The following FNBP1L variants were observed in gnomAD, a reference collection of about 807,000 sequenced individuals.
The protein encoded by FNBP1L is formin binding protein 1 like.
In FNBP1L, 36 loss-of-function variants were observed where a neutral mutation model predicts 91.2. That is an observed-to-expected ratio of 0.39 (90% CI 0.30 to 0.52). The LOEUF is 0.52. Ranked by LOEUF, FNBP1L falls within the 20% of genes least tolerant of loss-of-function variation. FNBP1L has a pLI of 0.66. For missense variants in FNBP1L, 571 were observed against 732.1 expected (o/e 0.78, Z 2.54); for synonymous variants, 242 against 237.0 (o/e 1.02, Z -0.19).
At chr1:93,506,830 T>C (rs1175721845) in intron 2 of FNBP1L, among the ~76,000 whole-genome samples, 1 of 151,942 alleles carries the variant, frequency 6.6e-6, no homozygotes, top group Non-Finnish European at 1.5e-5. Flanking sequence ...AAAGTAAATA[T>C]AAACATGACA....
intron 1 of FNBP1L, among the ~76,000 whole-genome samples, chr1:93,462,449 T>C (rs774085611): frequency 1.1e-4 from 16 of 152,308 alleles, no homozygotes; most frequent in Non-Finnish European, 1.8e-4. Context: ...TATTATTAAC[T>C]AAAGGCCACA....
Position 93,502,804 on chromosome 1 carries a change from A to T in FNBP1L, c.140+3221A>T, listed in dbSNP as rs190870026. On this transcript the variant is annotated intron_variant, in intron 2 of 16. Coordinates refer to ENST00000271234, the MANE Select transcript of FNBP1L (RefSeq NM_001164473.3). ...AGCGATTCTCAACAAGGGCAGAATT[A>T]TTGGAGTGTTGAAGTATGAGGAGTA... Among the ~76,000 whole-genome samples, 1,125 of 152,344 alleles carry T rather than the reference A, an allele frequency of 7.4e-3. 13 individuals are homozygous for T. The highest frequency in any genetic ancestry group is 0.01 in the Admixed American group (154 of 15,294).
At chr1:93,546,586 T>C (rs1295033247) in intron 12 of FNBP1L, among the ~76,000 whole-genome samples, 1 of 152,102 alleles carries the variant, frequency 6.6e-6, no homozygotes, top group Non-Finnish European at 1.5e-5. Flanking sequence ...TAAATAAAAT[T>C]CCTTGTTTAG....
At chr1:93,504,116 C>T (rs888949067) in intron 2 of FNBP1L, among the ~76,000 whole-genome samples, 3 of 152,124 alleles carry the variant, frequency 2.0e-5, no homozygotes, top group Non-Finnish European at 4.4e-5. Context: ...CTACCTGGTA[C>T]CTCTGGAACT....
chr1:93,458,082 G>A lies in FNBP1L; in HGVS notation c.24+9777G>A, dbSNP rs189659182. ...TGGGATTACAGGCGTGAGCCACGAC[G>A]CCCGGCCGGAAACAGGAATTTCTTA... is the stretch of plus-strand genomic sequence containing the variant. On this transcript the variant is annotated intron_variant, in intron 1 of 16. Transcript: ENST00000271234. Among the ~76,000 whole-genome samples the A allele has an allele frequency of 4.3e-3, 655 of 152,238 alleles. 2 individuals are homozygous for A. Among genetic ancestry groups the A allele is most frequent in the Non-Finnish European group, 7.4e-3 (501 of 68,018 alleles).
chr1:93,488,058 G>C (rs774468661), intron 1 of FNBP1L, among the ~76,000 whole-genome samples: 2 of 152,086 alleles, frequency 1.3e-5, no homozygotes, highest in African/African-American at 2.4e-5. Flanking sequence ...TCTAGTTCAT[G>C]GGGCTCAAAA....
At chr1:93,458,172 G>A (rs1227792238) in intron 1 of FNBP1L, among the ~76,000 whole-genome samples, 1 of 152,132 alleles carries the variant, frequency 6.6e-6, no homozygotes, top group African/African-American at 2.4e-5. Flanking sequence ...TTTGTTTTCT[G>A]AATGTAATTT....
chr1:93,489,758 A>C (rs1670034520), intron 1 of FNBP1L, among the ~76,000 whole-genome samples: 1 of 152,210 alleles, frequency 6.6e-6, no homozygotes, highest in Non-Finnish European at 1.5e-5. Flanking sequence ...AAAATTCTAC[A>C]ATATTTCTCA....
chr1:93,547,808 G>GA (rs973392953), intron 14 of FNBP1L, among the ~76,000 whole-genome samples: 3 of 150,968 alleles, frequency 2.0e-5, no homozygotes, highest in South Asian at 2.1e-4. Context: ...GTTTTGTGAA[G>GA]AAAAAAAAAT....
chr1:93,490,456 AGAT>A (rs1465321172), intron 1 of FNBP1L, among the ~76,000 whole-genome samples: 1 of 152,218 alleles, frequency 6.6e-6, no homozygotes, highest in Non-Finnish European at 1.5e-5. Context: ...TTTACATATA[AGAT>A]GATAAGATTT....
chr1:93,451,993 T>C (rs1668513675), intron 1 of FNBP1L, among the ~76,000 whole-genome samples: 1 of 152,208 alleles, frequency 6.6e-6, no homozygotes, highest in South Asian at 2.1e-4. Context: ...AGCTTATATC[T>C]TTTTGGAAGA....
chr1:93,469,493 GAC>G (rs956556481), intron 1 of FNBP1L, among the ~76,000 whole-genome samples: 2 of 152,110 alleles, frequency 1.3e-5, no homozygotes, highest in African/African-American at 4.8e-5. Context: ...ATTATTGATG[GAC>G]ATTTGGGTTG....
At chr1:93,549,680 G>A (rs1672345725) in intron 15 of FNBP1L, among the ~76,000 whole-genome samples, 1 of 152,120 alleles carries the variant, frequency 6.6e-6, no homozygotes, top group Admixed American at 6.5e-5. Context: ...TATCAATTTT[G>A]GTCAGTGCAG....
chr1:93,541,105 C>G (rs1351476161), intron 11 of FNBP1L, 49 bp downstream of exon 11: 2 of 1,507,868 alleles, frequency 1.3e-6, no homozygotes, highest in Admixed American at 2.0e-5. Flanking sequence ...TAAGTAATCT[C>G]AAAACATTGT....
At chr1:93,496,221 C>T (rs1329616136) in intron 1 of FNBP1L, among the ~76,000 whole-genome samples, 1 of 151,342 alleles carries the variant, frequency 6.6e-6, no homozygotes, top group Non-Finnish European at 1.5e-5. Flanking sequence ...TCCCTCTTAC[C>T]CTCTCCCCCT....
intron 1 of FNBP1L, among the ~76,000 whole-genome samples, chr1:93,449,564 T>C (rs1454018273): frequency 6.6e-6 from 1 of 152,194 alleles, no homozygotes; most frequent in African/African-American, 2.4e-5. Flanking sequence ...ATCTTAGAAC[T>C]GTGAGACTTT....
At chr1:93,525,036 A>T (rs1209794011) in intron 5 of FNBP1L, among the ~76,000 whole-genome samples, 1 of 151,226 alleles carries the variant, frequency 6.6e-6, no homozygotes, top group Non-Finnish European at 1.5e-5. Context: ...TTTACATAAA[A>T]TGCTCTATAA....
chr1:93,463,662 A>G (rs1257794091), intron 1 of FNBP1L, among the ~76,000 whole-genome samples: 1 of 152,078 alleles, frequency 6.6e-6, no homozygotes, highest in East Asian at 1.9e-4. Context: ...TATTTCCAGT[A>G]TATATGTATT....
At chr1:93,547,292 T>A (rs1003285205) in intron 13 of FNBP1L, 55 bp from the exon 14 acceptor site, 1 of 1,332,296 alleles carries the variant, frequency 7.5e-7, no homozygotes, top group Non-Finnish European at 1.0e-6. Flanking sequence ...AGATATCTTA[T>A]GAGCTTTTAA....
Sources: allele counts gnomAD v4.1 joint callset (sites outside exome capture counted in the v4.1 genomes callset), GRCh38; gene constraint gnomAD v4.1.1; transcripts MANE v1.5; gene names NCBI Gene and HGNC (gene_info 2026-07-23, HGNC 2026-07-21).